The following DLEU7 variants were observed in gnomAD, a reference collection of about 807,000 sequenced individuals.
DLEU7 encodes deleted in lymphocytic leukemia 7.
A neutral mutation model predicts 16.0 loss-of-function variants in DLEU7; 17 were observed. The observed-to-expected ratio is 1.06, with a 90% confidence interval of 0.73 to 1.59. DLEU7 has a LOEUF of 1.59. Among genes scored for constraint, DLEU7 ranks in the 40% most tolerant of loss-of-function variants. DLEU7 has a pLI of 0.00. For missense variants in DLEU7, 308 were observed against 314.9 expected (o/e 0.98, Z 0.17); for synonymous variants, 113 against 139.8 (o/e 0.81, Z 1.35).
At chr13:50,804,485 G>A (rs543044286) in intron 1 of DLEU7, among the ~76,000 whole-genome samples, 70 of 151,350 alleles carry the variant, frequency 4.6e-4, no homozygotes, top group South Asian at 1.0e-3. Context: ...CACCCAGGCT[G>A]GAGTGTGGAG....
At chr13:50,749,118 A>G (rs772223657) in intron 1 of DLEU7, among the ~76,000 whole-genome samples, 2 of 150,530 alleles carry the variant, frequency 1.3e-5, no homozygotes. Context: ...TAGCTCCCAC[A>G]TATCAGCGAG....
intron 1 of DLEU7, among the ~76,000 whole-genome samples, chr13:50,829,438 G>T (rs146699570): frequency 2.6e-5 from 4 of 152,182 alleles, no homozygotes; most frequent in African/African-American, 9.7e-5. Flanking sequence ...GTGCCTATTA[G>T]CCAGTATGCA....
At chr13:50,729,756 G>T (rs1873866659) in intron 1 of DLEU7, among the ~76,000 whole-genome samples, 1 of 152,090 alleles carries the variant, frequency 6.6e-6, no homozygotes, top group South Asian at 2.1e-4. Context: ...GTATCTCATT[G>T]TGGTTTTGAT....
intron 1 of DLEU7, among the ~76,000 whole-genome samples, chr13:50,748,035 G>A (rs2137731066): frequency 6.6e-6 from 1 of 152,296 alleles, no homozygotes; most frequent in African/African-American, 2.4e-5. Flanking sequence ...ACTAGACCAT[G>A]CTCCTCAAAA....
intron 1 of DLEU7, among the ~76,000 whole-genome samples, chr13:50,814,513 A>ATAGT (rs1325686571): frequency 2.0e-5 from 3 of 151,928 alleles, no homozygotes; most frequent in Admixed American, 6.6e-5. Flanking sequence ...GATAGTTTGG[A>ATAGT]TAGTTACAAT....
chr13:50,754,352 C>G (rs1233481681), intron 1 of DLEU7, among the ~76,000 whole-genome samples: 2 of 152,066 alleles, frequency 1.3e-5, no homozygotes, highest in Non-Finnish European at 2.9e-5. Flanking sequence ...TTTGGGAGCT[C>G]CAGTGTTAGA....
chr13:50,796,137 G>GAGTA (rs1437303937), intron 1 of DLEU7, among the ~76,000 whole-genome samples: 1 of 151,986 alleles, frequency 6.6e-6, no homozygotes, highest in Non-Finnish European at 1.5e-5. Flanking sequence ...GAAACCCTTA[G>GAGTA]AGTACTGAAC....
chr13:50,737,536 AATT>A (rs1433706940), intron 1 of DLEU7, among the ~76,000 whole-genome samples: 2 of 152,096 alleles, frequency 1.3e-5, no homozygotes, highest in East Asian at 1.9e-4. Flanking sequence ...CAAACTTTTT[AATT>A]ATTATTATAT....
intron 1 of DLEU7, among the ~76,000 whole-genome samples, chr13:50,830,012 A>G (rs1877210938): frequency 6.6e-6 from 1 of 152,226 alleles, no homozygotes; most frequent in Non-Finnish European, 1.5e-5. Flanking sequence ...AACAAAGCCT[A>G]TCCTCCCAGC....
chr13:50,756,143 G>A (rs1874751787), intron 1 of DLEU7, among the ~76,000 whole-genome samples: 2 of 152,150 alleles, frequency 1.3e-5, no homozygotes, highest in Non-Finnish European at 2.9e-5. Context: ...GACTCTGTGA[G>A]GGTTCTTAGC....
At chr13:50,829,220 G>T (rs189141586) in intron 1 of DLEU7, among the ~76,000 whole-genome samples, 2 of 152,272 alleles carry the variant, frequency 1.3e-5, no homozygotes, top group African/African-American at 4.8e-5. Context: ...AGCTTATGGG[G>T]TGGCCTGTGT....
At chr13:50,714,545 CAGG>C (rs1211067201) in intron 1 of DLEU7, among the ~76,000 whole-genome samples, 2 of 152,290 alleles carry the variant, frequency 1.3e-5, no homozygotes, top group South Asian at 2.1e-4. Flanking sequence ...CATCTATTCT[CAGG>C]AGATGTCATC....
chr13:50,805,305 C>T (rs1876358271), intron 1 of DLEU7, among the ~76,000 whole-genome samples: 2 of 152,208 alleles, frequency 1.3e-5, no homozygotes, highest in East Asian at 3.9e-4. Flanking sequence ...CTCTCAGCAT[C>T]TAGAAACATG....
chr13:50,718,154 G>A (rs1873491754), intron 1 of DLEU7, among the ~76,000 whole-genome samples: 1 of 152,062 alleles, frequency 6.6e-6, no homozygotes, highest in African/African-American at 2.4e-5. Flanking sequence ...GTATCAATGT[G>A]CTCCAGGTTA....
intron 1 of DLEU7, among the ~76,000 whole-genome samples, chr13:50,727,224 T>TGC (rs1873788268): frequency 6.6e-6 from 1 of 151,938 alleles, no homozygotes. Context: ...CGTGTGTGTG[T>TGC]GTGTGTGTGA....
Position 50,752,052 on chromosome 13 carries a change from C to T in DLEU7, c.460-38812G>A, listed in dbSNP as rs1194181671. 6.6e-5 allele frequency among the ~76,000 whole-genome samples: 9 copies of T among 135,750 alleles called. No individual in the cohort carries two copies. The East Asian group carries it at 6.9e-4, about 10-fold the overall frequency. The allele number at this position is 135,750 out of a possible 152,430, so 89.1% of individuals were successfully genotyped here. A position where few individuals can be genotyped will look rare whatever the true frequency, so the allele number is the denominator to read the frequency against. ...TTGTGTCAGTTTGTGCTCTTTCAGT[C>T]TTTTTTTTTTTTTTTTTGAGATGGA... is the stretch of plus-strand genomic sequence containing the variant. On this transcript the variant is annotated intron_variant, in intron 1 of 1. Coordinates refer to the DLEU7 transcript ENST00000400393.
chr13:50,799,883 T>G (rs1433458529), intron 1 of DLEU7, among the ~76,000 whole-genome samples: 1 of 152,240 alleles, frequency 6.6e-6, no homozygotes, highest in African/African-American at 2.4e-5. Flanking sequence ...AAGTTTTAGA[T>G]TATCTGTCCT....
intron 1 of DLEU7, chr13:50,713,390 A>G (rs1873350426): frequency 1.0e-6 from 1 of 960,058 alleles, no homozygotes; most frequent in South Asian, 1.6e-5. Context: ...TTGGCTACCC[A>G]TTATAGATAA....
intron 1 of DLEU7, among the ~76,000 whole-genome samples, chr13:50,751,953 C>T (rs1427613406): frequency 6.6e-6 from 1 of 151,166 alleles, no homozygotes; most frequent in Admixed American, 6.6e-5. Context: ...CTGCTCTGAT[C>T]TTGGTTACTT....
Sources: allele counts gnomAD v4.1 joint callset (sites outside exome capture counted in the v4.1 genomes callset), GRCh38; gene constraint gnomAD v4.1.1; transcripts MANE v1.5; gene names NCBI Gene and HGNC (gene_info 2026-07-23, HGNC 2026-07-21).